RFX3: variants seen among roughly 807,000 people sequenced by gnomAD.
RFX3 encodes the protein regulatory factor X3, also known as transcription factor RFX3.
A neutral mutation model predicts 98.6 loss-of-function variants in RFX3; 14 were observed. The observed-to-expected ratio is 0.14, with a 90% confidence interval of 0.09 to 0.22. The LOEUF (loss-of-function observed/expected upper bound fraction) is 0.22. Ranked by LOEUF, RFX3 falls within the 10% of genes least tolerant of loss-of-function variation. The pLI is 1.00. For missense variants in RFX3, 639 were observed against 926.9 expected (o/e 0.69, Z 4.03); for synonymous variants, 383 against 328.4 (o/e 1.17, Z -1.80).
At chr9:3,518,668 A>T (rs1209823695) in intron 1 of RFX3, among the ~76,000 whole-genome samples, 1 of 152,224 alleles carries the variant, frequency 6.6e-6, no homozygotes, top group Non-Finnish European at 1.5e-5. Flanking sequence ...AAAGGAAATT[A>T]CTGAATAGCA....
At chr9:3,273,651 G>A (rs559493360) in intron 9 of RFX3, among the ~76,000 whole-genome samples, 2 of 152,096 alleles carry the variant, frequency 1.3e-5, no homozygotes, top group Non-Finnish European at 2.9e-5. Flanking sequence ...ATCACTTCAG[G>A]TCAGGAGTTC....
Position 3,219,490 on chromosome 9 carries a change from A to G in RFX3, c.*5552T>C, listed in dbSNP as rs1817234496. 2.6e-5 allele frequency: 4 copies of G among 151,968 alleles called. No homozygotes were observed. Among genetic ancestry groups the G allele is most frequent in the African/African-American group, 4.8e-5 (2 of 41,424 alleles). The allele number at this position is 151,968 out of a possible 1,614,324, so 9.4% of individuals were successfully genotyped here. ...AAGGAAAGAGGGGAGAAAAAGAATC[A>G]AACCAGAACCAAATAAAAGAAGAGA... On this transcript the variant is annotated 3_prime_UTR_variant, in exon 17 of 17. Transcript: ENST00000617270.
At chr9:3,508,595 C>T (rs971089522) in intron 1 of RFX3, among the ~76,000 whole-genome samples, 29 of 151,924 alleles carry the variant, frequency 1.9e-4, no homozygotes, top group African/African-American at 6.8e-4. Context: ...TTTCATCATA[C>T]TTTCGTTTAT....
In RFX3 at chr9:3,510,331, A is replaced by C. The variant is rs192465498; in HGVS notation, c.-9+15416T>G. Among the ~76,000 whole-genome samples, 668 of 151,830 alleles carry C rather than the reference A, an allele frequency of 4.4e-3. 4 individuals carry two copies. The highest frequency in any genetic ancestry group is 0.037 in the Middle Eastern group (11 of 294). ...ATACAGATCATTTCTTGCCCCCCCC[A>C]AAAAAAGCAACAAACAAACAAACAA... On this transcript the variant is annotated intron_variant, in intron 1 of 16. Transcript: ENST00000617270.
chr9:3,381,651 T>A (rs144183580), intron 2 of RFX3, among the ~76,000 whole-genome samples: 1 of 152,116 alleles, frequency 6.6e-6, no homozygotes, highest in Admixed American at 6.6e-5. Context: ...TATTTTCTTA[T>A]ATATATCTTT....
chr9:3,366,690 TTTCCTTTCTTTC>T (rs1296328623), intron 2 of RFX3, among the ~76,000 whole-genome samples: 40 of 127,282 alleles, frequency 3.1e-4, no homozygotes, highest in Admixed American at 1.2e-3. Context: ...TTCTTCTTTC[TTTCCTTTCTTTC>T]TTTCTTTCTT....
chr9:3,507,719 C>G (rs985793685), intron 1 of RFX3, among the ~76,000 whole-genome samples: 43 of 151,906 alleles, frequency 2.8e-4, no homozygotes, highest in African/African-American at 1.0e-3. Context: ...TTTAAATCAT[C>G]TCTAGATTAA....
chr9:3,344,064 A>T (rs1834173830), intron 3 of RFX3, among the ~76,000 whole-genome samples: 1 of 152,202 alleles, frequency 6.6e-6, no homozygotes, highest in African/African-American at 2.4e-5. Context: ...ATGTTTACCT[A>T]TTATGTGGAA....
At chr9:3,276,017 G>A (rs767179760) in intron 8 of RFX3, among the ~76,000 whole-genome samples, 14 of 152,008 alleles carry the variant, frequency 9.2e-5, no homozygotes, top group Non-Finnish European at 1.9e-4. Flanking sequence ...AACTGTTATA[G>A]AGTCATAAAC....
intron 1 of RFX3, among the ~76,000 whole-genome samples, chr9:3,418,435 A>C (rs1057098904): frequency 2.0e-5 from 3 of 152,058 alleles, no homozygotes; most frequent in Non-Finnish European, 4.4e-5. Context: ...GCTGGAGTAC[A>C]GTGGCACCAT....
intron 1 of RFX3, among the ~76,000 whole-genome samples, chr9:3,521,587 G>C (rs968422415): frequency 1.3e-5 from 2 of 152,078 alleles, no homozygotes; most frequent in African/African-American, 2.4e-5. Context: ...GTGAACCTTA[G>C]AAATCAATAG....
intron 14 of RFX3, 35 bp from the exon 15 acceptor site, chr9:3,248,220 A>G: frequency 1.3e-6 from 2 of 1,553,438 alleles, no homozygotes; most frequent in Non-Finnish European, 1.7e-6. Context: ...TGCAGCTAAC[A>G]TTAGTGACAA....
At chr9:3,494,079 G>C (rs1850941341) in intron 1 of RFX3, among the ~76,000 whole-genome samples, 2 of 152,046 alleles carry the variant, frequency 1.3e-5, no homozygotes, top group Admixed American at 6.6e-5. Flanking sequence ...AGTATGATGA[G>C]AGCCACAGAA....
In RFX3 at chr9:3,355,625, T is replaced by C. The variant is rs1211715961; in HGVS notation, c.118-8861A>G. Among the ~76,000 whole-genome samples the C allele has an allele frequency of 5.3e-5, 8 of 151,902 alleles. No homozygotes were observed. In the East Asian group the frequency reaches 9.6e-4, roughly 18 times the overall value. Reference sequence around the variant, plus strand: ...GGAGACTTCAGCATTCTTTTTTCCATAGTTGATACGCAAAAAAGACAGAAA... The same window carrying C: ...GGAGACTTCAGCATTCTTTTTTCCACAGTTGATACGCAAAAAAGACAGAAA... On this transcript the variant is annotated intron_variant, in intron 2 of 16. Coordinates refer to ENST00000617270, the MANE Select transcript of RFX3 (RefSeq NM_001282116.2).
rs79495660 is a variant in RFX3 at position 3,348,123 on chromosome 9, G to A, written c.118-1359C>T. Among the ~76,000 whole-genome samples the A allele has an allele frequency of 7.6e-3, 1,150 of 151,900 alleles. 14 individuals are homozygous for A. The highest frequency in any genetic ancestry group is 0.025 in the African/African-American group (1,055 of 41,428). On this transcript the variant is annotated intron_variant, in intron 2 of 16. Transcript: ENST00000617270. Reference sequence around the variant, plus strand: ...AGTTCCCTTATCCTTTTTATTTCCCGCCTATTACTTATTCAAGAAACTGGG... The same window carrying A: ...AGTTCCCTTATCCTTTTTATTTCCCACCTATTACTTATTCAAGAAACTGGG...
chr9:3,280,957 T>C (rs188547689), intron 7 of RFX3, among the ~76,000 whole-genome samples: 12 of 151,918 alleles, frequency 7.9e-5, no homozygotes, highest in African/African-American at 2.9e-4. Context: ...CAATAAACTA[T>C]ATTTGGAATG....
In RFX3 at chr9:3,312,377, G is replaced by A. The variant is rs143669425; in HGVS notation, c.475-10757C>T. ...CTAGTCAATGGAAACCTTCTTCGAAGGATCTCCAGAGTGTTCCTTGAGCTC... is the reference window on the plus strand; with the variant it reads ...CTAGTCAATGGAAACCTTCTTCGAAAGATCTCCAGAGTGTTCCTTGAGCTC... On this transcript the variant is annotated intron_variant, in intron 4 of 16. Coordinates refer to ENST00000617270, the MANE Select transcript of RFX3 (RefSeq NM_001282116.2). Among the ~76,000 whole-genome samples, 690 of 152,200 alleles carry A rather than the reference G, an allele frequency of 4.5e-3. 7 individuals carry two copies. Among genetic ancestry groups the A allele is most frequent in the African/African-American group, 0.016 (664 of 41,506 alleles).
chr9:3,327,257 T>C (rs1832027264), intron 4 of RFX3, among the ~76,000 whole-genome samples: 1 of 152,244 alleles, frequency 6.6e-6, no homozygotes, highest in South Asian at 2.1e-4. Context: ...GGTTAGCATT[T>C]CTCACATTTG....
intron 1 of RFX3, among the ~76,000 whole-genome samples, chr9:3,427,040 C>A (rs975360268): frequency 2.0e-5 from 3 of 151,672 alleles, no homozygotes; most frequent in Admixed American, 2.0e-4. Context: ...ATTAAGACCA[C>A]AATTTGTTTG....
Sources: allele counts gnomAD v4.1 joint callset (sites outside exome capture counted in the v4.1 genomes callset), GRCh38; gene constraint gnomAD v4.1.1; transcripts MANE v1.5; gene names NCBI Gene and HGNC (gene_info 2026-07-23, HGNC 2026-07-21).